The following TMEM229B variants were observed in gnomAD, a reference collection of about 807,000 sequenced individuals.
TMEM229B encodes the protein chromosome 14 open reading frame 83.
Under a neutral mutation model 13.7 loss-of-function variants are expected in TMEM229B, and 6 were observed. The observed-to-expected ratio is 0.44, with a 90% CI of 0.24 to 0.86. The LOEUF (loss-of-function observed/expected upper bound fraction) is 0.86, where lower values mean the gene tolerates loss of function less well. Among genes scored for constraint, TMEM229B ranks in the 40% least tolerant of loss-of-function variants. The pLI, the probability that TMEM229B is intolerant of heterozygous loss-of-function variation, is 0.23. For missense variants in TMEM229B, 170 were observed against 236.0 expected (o/e 0.72, Z 1.83); for synonymous variants, 107 against 102.1 (o/e 1.05, Z -0.29).
At chr14:67,528,652 C>T (rs2033402497) in intron 1 of TMEM229B, among the ~76,000 whole-genome samples, 1 of 152,222 alleles carries the variant, frequency 6.6e-6, no homozygotes, top group Non-Finnish European at 1.5e-5. Context: ...CTCTTTCTCC[C>T]TCCCTCTCCT....
chr14:67,531,910 CAAAAAAAAA>C (rs5809352), intron 1 of TMEM229B, among the ~76,000 whole-genome samples: 3 of 79,606 alleles, frequency 3.8e-5, no homozygotes, highest in Non-Finnish European at 7.4e-5. Context: ...AACCTATGTC[CAAAAAAAAA>C]AAAAAAAAAA....
chr14:67,508,633 C>T (rs1279892846), intron 1 of TMEM229B, among the ~76,000 whole-genome samples: 8 of 151,544 alleles, frequency 5.3e-5, no homozygotes, highest in Non-Finnish European at 1.0e-4. Context: ...GTAGTCCCAG[C>T]TACTTGGAAG....
rs5809350 is a variant in TMEM229B, at chr14:67,510,030, A to G, written c.-192+5056T>C. 2.7e-4 allele frequency among the ~76,000 whole-genome samples: 7 copies of G among 25,882 alleles called. No individual in the cohort carries two copies. The East Asian group carries it at 4.1e-3, about 15-fold the overall frequency. The allele number at this position is 25,882 out of a possible 152,430, so 17.0% of individuals were successfully genotyped here. A position where few individuals can be genotyped will look rare whatever the true frequency, so the allele number is the denominator to read the frequency against. On this transcript the variant is annotated intron_variant, in intron 1 of 2. Coordinates refer to the TMEM229B transcript ENST00000357461. ...GTCTCTAAAAAAATTTTTTTATTAA[A>G]AAAAAAAAGAATCAGATAGATCTCA...
At chr14:67,500,602 C>T (rs1252320245) in intron 1 of TMEM229B, among the ~76,000 whole-genome samples, 7 of 144,182 alleles carry the variant, frequency 4.9e-5, no homozygotes, top group Admixed American at 7.0e-5. Context: ...GATGGAGTCT[C>T]GCTCTGTCCC....
At chr14:67,498,797 C>G (rs1427291842) in intron 1 of TMEM229B, among the ~76,000 whole-genome samples, 2 of 151,818 alleles carry the variant, frequency 1.3e-5, no homozygotes, top group Admixed American at 1.3e-4. Context: ...TCTCGAGTAG[C>G]TGAGATTATA....
intron 1 of TMEM229B, chr14:67,503,489 C>T (rs1363773467): frequency 1.3e-5 from 2 of 152,144 alleles, no homozygotes; most frequent in East Asian, 3.9e-4. Flanking sequence ...TCAATTACCT[C>T]CTAAGGCAGC....
At chr14:67,480,919 C>G (rs1374476600) in intron 2 of TMEM229B, among the ~76,000 whole-genome samples, 1 of 152,106 alleles carries the variant, frequency 6.6e-6, no homozygotes, top group Non-Finnish European at 1.5e-5. Context: ...AGAGTCAGAT[C>G]CCAAAACCCT....
intron 1 of TMEM229B, among the ~76,000 whole-genome samples, chr14:67,532,898 A>C (rs1340861534): frequency 6.6e-6 from 1 of 150,712 alleles, no homozygotes; most frequent in Non-Finnish European, 1.5e-5. Flanking sequence ...GTCCCCCGCT[A>C]TTTGGGGTCA....
chr14:67,501,277 G>A (rs2032601525), intron 1 of TMEM229B, among the ~76,000 whole-genome samples: 2 of 151,928 alleles, frequency 1.3e-5, no homozygotes, highest in African/African-American at 4.8e-5. Context: ...CTAGAACTAG[G>A]GTGAGACAAG....
upstream of TMEM229B, among the ~76,000 whole-genome samples, chr14:67,517,747 T>C (rs2033229106): frequency 1.3e-5 from 2 of 152,166 alleles, no homozygotes; most frequent in African/African-American, 4.8e-5. Flanking sequence ...TTTCTCTCTC[T>C]GGGTAGGACA....
intron 1 of TMEM229B, among the ~76,000 whole-genome samples, chr14:67,527,922 G>A (rs1432191446): frequency 6.6e-6 from 1 of 152,196 alleles, no homozygotes; most frequent in Non-Finnish European, 1.5e-5. Context: ...GAGGAGGGGA[G>A]GTCAAGGAGC....
intron 1 of TMEM229B, among the ~76,000 whole-genome samples, chr14:67,496,587 G>A (rs992648646): frequency 6.6e-6 from 1 of 151,642 alleles, no homozygotes; most frequent in Non-Finnish European, 1.5e-5. Flanking sequence ...AGACGTGAGA[G>A]AGGTGTCCTC....
In TMEM229B at chr14:67,473,539, G is replaced by T; in HGVS notation, c.385C>A (p.Leu129Ile). The change falls in exon 3 of 3, where the codon CTC becomes ATC. Residue 129 changes from leucine (L) to isoleucine (I), a missense_variant. This residue lies in a region of TMEM229B where 70 missense variants were observed against 60.9 expected (regional missense o/e 1.15). Transcript: ENST00000554480. The surrounding 1 kb of genome is among the most constrained non-coding windows in gnomAD (Gnocchi z 6.5). ...CGGATGATGAACTGCTCCATGATGA[G>T]GGCCCCGCAGAACCAGGGCACGGCG... ...EYAVPWFCGA[L>I]IMEQFIIRNT... 6.2e-7 allele frequency: 1 copy of T among 1,614,036 alleles called. No homozygotes were observed. The highest frequency in any genetic ancestry group is 1.1e-5 in the South Asian group (1 of 91,078).
In TMEM229B at chr14:67,472,739, G is replaced by C. The variant is rs1200758343; in HGVS notation, c.*681C>G. 6.5e-6 allele frequency: 1 copy of C among 152,742 alleles called. No individual in the cohort carries two copies. The highest frequency in any genetic ancestry group is 2.4e-5 in the African/African-American group (1 of 41,214). The allele number at this position is 152,742 out of a possible 1,614,324, so 9.5% of individuals were successfully genotyped here. A position where few individuals can be genotyped will look rare whatever the true frequency, so the allele number is the denominator to read the frequency against. ...GGCTTTGAAAACAAGACAGAAAAGGGGGAAACGCCACCGAACACACGGGGA... is the reference window on the plus strand; with the variant it reads ...GGCTTTGAAAACAAGACAGAAAAGGCGGAAACGCCACCGAACACACGGGGA... On this transcript the variant is annotated 3_prime_UTR_variant, in exon 3 of 3. Coordinates refer to ENST00000554480, the MANE Select transcript of TMEM229B (RefSeq NM_001348543.2).
At position 67,488,691 on chromosome 14, in the gene TMEM229B, C is replaced by T. The variant is rs1246540434; in HGVS notation, c.-375G>A. The T allele has an allele frequency of 6.6e-6, 1 of 152,476 alleles. No individual in the cohort carries two copies. The highest frequency in any genetic ancestry group is 6.5e-5 in the Admixed American group (1 of 15,288). The allele number at this position is 152,476 out of a possible 1,614,324, so 9.4% of individuals were successfully genotyped here. ...TGGAGACTTCTCCCCACCCTAGGCCCTCAGCCACATCCACGGCACAAGTCA... is the reference window on the plus strand; with the variant it reads ...TGGAGACTTCTCCCCACCCTAGGCCTTCAGCCACATCCACGGCACAAGTCA... On this transcript the variant is annotated 5_prime_UTR_variant, in exon 1 of 3. Transcript: ENST00000554480.
chr14:67,509,915 C>T (rs748740418), intron 1 of TMEM229B, among the ~76,000 whole-genome samples: 1 of 152,084 alleles, frequency 6.6e-6, no homozygotes, highest in African/African-American at 2.4e-5. Flanking sequence ...GAGGCTGAGG[C>T]AGGAGGATCA....
Position 67,473,194 on chromosome 14 carries a change from G to T in TMEM229B, c.*226C>A. On this transcript the variant is annotated 3_prime_UTR_variant, in exon 3 of 3. Transcript: ENST00000554480. The surrounding 1 kb of genome is among the most constrained non-coding windows in gnomAD (Gnocchi z 6.5). ...CCCCTGAACTGGGCCGCGATCCATG[G>T]ACCCTTCCCAATGTCCCTCTGCTGC... is the stretch of plus-strand genomic sequence containing the variant. The T allele has an allele frequency of 5.0e-6, 3 of 594,930 alleles. No individual in the cohort carries two copies. The highest frequency in any genetic ancestry group is 9.3e-4 in the Middle Eastern group (2 of 2,152). 36.9% of individuals were successfully genotyped at this position (594,930 alleles called of 1,614,324 possible).
At chr14:67,517,197 G>A (rs1372413433), upstream of TMEM229B, among the ~76,000 whole-genome samples, 1 of 152,168 alleles carries the variant, frequency 6.6e-6, no homozygotes, top group African/African-American at 2.4e-5. Context: ...CTGATGAAAA[G>A]GGCCATCCCC....
At position 67,487,013 on chromosome 14, in the gene TMEM229B, G is replaced by C. The variant is rs1285461494; in HGVS notation, c.-32C>G. ...TAACATACTCACTTATCACACCCTTGAGTGTGCAGCTCACAACAGACATCA... is the reference window on the plus strand; with the variant it reads ...TAACATACTCACTTATCACACCCTTCAGTGTGCAGCTCACAACAGACATCA... On this transcript the variant is annotated 5_prime_UTR_variant, in exon 2 of 3. Coordinates refer to ENST00000554480, the MANE Select transcript of TMEM229B (RefSeq NM_001348543.2). The C allele has an allele frequency of 6.6e-6, 1 of 152,164 alleles. No individual in the cohort carries two copies. The highest frequency in any genetic ancestry group is 1.9e-4 in the East Asian group (1 of 5,182). 9.4% of individuals were successfully genotyped at this position (152,164 alleles called of 1,614,324 possible). A position where few individuals can be genotyped will look rare whatever the true frequency, so the allele number is the denominator to read the frequency against.
Sources: allele counts gnomAD v4.1 joint callset (sites outside exome capture counted in the v4.1 genomes callset), GRCh38; gene constraint gnomAD v4.1.1; regional missense constraint gnomAD v4.1.1; non-coding constraint Gnocchi (gnomAD v3.1); transcripts MANE v1.5; gene names NCBI Gene and HGNC (gene_info 2026-07-23, HGNC 2026-07-21).